The following EIF4ENIF1 variants were observed in gnomAD, a reference collection of about 807,000 sequenced individuals.
EIF4ENIF1 encodes eukaryotic translation initiation factor 4E transporter.
A neutral mutation model predicts 110.5 loss-of-function variants in EIF4ENIF1; 23 were observed. The ratio of observed to expected loss-of-function variants is 0.21; its 90% CI spans 0.15 to 0.29. EIF4ENIF1 has a LOEUF of 0.29. Among genes scored for constraint, EIF4ENIF1 ranks in the 10% least tolerant of loss-of-function variants. The pLI is 1.00. For missense variants in EIF4ENIF1, 1,031 were observed against 1,221.1 expected (o/e 0.84, Z 2.32); for synonymous variants, 440 against 437.0 (o/e 1.01, Z -0.09).
intron 2 of EIF4ENIF1, among the ~76,000 whole-genome samples, chr22:31,478,275 G>A (rs1190682972): frequency 2.6e-5 from 4 of 152,096 alleles, no homozygotes; most frequent in African/African-American, 9.7e-5. Flanking sequence ...AAAACATTGG[G>A]AGGCCGAGAC....
At chr22:31,472,039 T>C in intron 2 of EIF4ENIF1, 122 bp from the exon 3 acceptor site, 1 of 743,002 alleles carries the variant, frequency 1.3e-6, no homozygotes, top group Non-Finnish European at 2.1e-6. Flanking sequence ...TATTTACATC[T>C]TGCCTTATTT....
At chr22:31,478,974 CT>C (rs1444160788) in intron 2 of EIF4ENIF1, among the ~76,000 whole-genome samples, 2 of 147,772 alleles carry the variant, frequency 1.4e-5, no homozygotes, top group African/African-American at 2.5e-5. Flanking sequence ...AAAAAGTTTG[CT>C]CTCTTTACAA....
chr22:31,468,443 G>T, intron 3 of EIF4ENIF1, 141 bp from the exon 4 acceptor site: 1 of 1,183,642 alleles, frequency 8.4e-7, no homozygotes, highest in Non-Finnish European at 1.2e-6. Context: ...CGCCCAGGAT[G>T]GAGCGCAGTG....
chr22:31,493,238 C>T (rs141940895), upstream of EIF4ENIF1, among the ~76,000 whole-genome samples: 1,480 of 151,694 alleles, frequency 9.8e-3, 7 homozygotes, highest in Middle Eastern at 0.031. Context: ...ACCACGTTAG[C>T]CAGGATGGTC....
upstream of EIF4ENIF1, among the ~76,000 whole-genome samples, chr22:31,490,392 A>G (rs941931731): frequency 2.0e-5 from 3 of 152,198 alleles, no homozygotes; most frequent in African/African-American, 7.2e-5. Context: ...GAGTGGCGTG[A>G]TCTTAGGCAA....
chr22:31,438,123 T>C (rs1028386177), downstream of EIF4ENIF1, among the ~76,000 whole-genome samples: 8 of 152,098 alleles, frequency 5.3e-5, no homozygotes, highest in African/African-American at 1.4e-4. Context: ...TAGTCAAAAA[T>C]CCAACCACCT....
At chr22:31,455,395 CTTTTT>C (rs67838369) in intron 8 of EIF4ENIF1, 80 bp from the exon 9 acceptor site, 99 of 809,836 alleles carry the variant, frequency 1.2e-4, no homozygotes, top group African/African-American at 1.7e-4. Flanking sequence ...TTCTTTCTTT[CTTTTT>C]TTTTTTTTTT....
chr22:31,469,473 A>G (rs1028548756), intron 3 of EIF4ENIF1, among the ~76,000 whole-genome samples: 1 of 152,232 alleles, frequency 6.6e-6, no homozygotes, highest in Non-Finnish European at 1.5e-5. Context: ...CATTTCTTGA[A>G]TAAGTGAGTT....
At chr22:31,456,503 A>G (rs11089506) in intron 7 of EIF4ENIF1, among the ~76,000 whole-genome samples, 22,833 of 151,366 alleles carry the variant, frequency 0.15, 2,168 homozygotes, top group East Asian at 0.44. Flanking sequence ...GATTACAAGC[A>G]TGAGCCACCA....
chr22:31,463,601 G>C, intron 5 of EIF4ENIF1, 80 bp downstream of exon 5: 2 of 1,355,312 alleles, frequency 1.5e-6, no homozygotes, highest in Non-Finnish European at 9.8e-7. Context: ...AGTCAAGATC[G>C]TGCCATTGCA....
chr22:31,444,514 C>G (rs2050400193), intron 15 of EIF4ENIF1, 92 bp downstream of exon 15: 3 of 1,245,284 alleles, frequency 2.4e-6, no homozygotes, highest in Admixed American at 3.5e-5. Context: ...GGAAGGAACT[C>G]AAGGACATTT....
At chr22:31,457,291 G>A (rs533924455) in intron 7 of EIF4ENIF1, among the ~76,000 whole-genome samples, 1 of 152,186 alleles carries the variant, frequency 6.6e-6, no homozygotes, top group East Asian at 1.9e-4. Context: ...AATTGCTTTG[G>A]TAGAAATTAT....
Position 31,455,126 on chromosome 22 carries a change from A to G in EIF4ENIF1, c.1279+10T>C. 1 of 1,602,782 alleles carries G rather than the reference A, an allele frequency of 6.2e-7. No individual in the cohort carries two copies. Among genetic ancestry groups the G allele is most frequent in the Non-Finnish European group, 8.5e-7 (1 of 1,175,322 alleles). On this transcript the variant is annotated intron_variant, in intron 9 of 18. Coordinates refer to ENST00000330125, the MANE Select transcript of EIF4ENIF1 (RefSeq NM_019843.4). ...TCAGATATCTAAAACAGATATTCATAAACACTTACAGCTTTCTTTAAGTTT... is the reference window on the plus strand; with the variant it reads ...TCAGATATCTAAAACAGATATTCATGAACACTTACAGCTTTCTTTAAGTTT...
At chr22:31,486,023 G>T (rs2052007568) in intron 2 of EIF4ENIF1, among the ~76,000 whole-genome samples, 1 of 151,860 alleles carries the variant, frequency 6.6e-6, no homozygotes, top group Non-Finnish European at 1.5e-5. Context: ...GAGGCGGGTG[G>T]ATCACCTGAG....
At position 31,439,595 on chromosome 22, in the gene EIF4ENIF1, C is replaced by T. The variant is rs529936465; in HGVS notation, c.*285G>A. 4.6e-6 allele frequency: 2 copies of T among 433,544 alleles called. No individual in the cohort carries two copies. The highest frequency in any genetic ancestry group is 9.4e-5 in the East Asian group (2 of 21,248). The allele number at this position is 433,544 out of a possible 1,614,324, so 26.9% of individuals were successfully genotyped here. A position where few individuals can be genotyped will look rare whatever the true frequency, so the allele number is the denominator to read the frequency against. Reference sequence around the variant, plus strand: ...ATTTCCTCAGAACCCTTAGGTGCCACCTCTTGGTGAGGACACCAACACTTC... The same window carrying T: ...ATTTCCTCAGAACCCTTAGGTGCCATCTCTTGGTGAGGACACCAACACTTC... On this transcript the variant is annotated 3_prime_UTR_variant, in exon 19 of 19. Coordinates refer to ENST00000330125, the MANE Select transcript of EIF4ENIF1 (RefSeq NM_019843.4).
At chr22:31,466,138 C>T (rs1394413232) in intron 4 of EIF4ENIF1, among the ~76,000 whole-genome samples, 2 of 152,082 alleles carry the variant, frequency 1.3e-5, no homozygotes, top group African/African-American at 4.8e-5. Context: ...TGGGGCCAGG[C>T]ACGGTGACTC....
chr22:31,452,467 A>C (rs1236541256), intron 10 of EIF4ENIF1, among the ~76,000 whole-genome samples: 1 of 152,198 alleles, frequency 6.6e-6, no homozygotes, highest in Admixed American at 6.6e-5. Context: ...CTAAAACCCC[A>C]ACATCAAACC....
intron 6 of EIF4ENIF1, among the ~76,000 whole-genome samples, chr22:31,459,134 C>T (rs2050916151): frequency 6.6e-6 from 1 of 152,040 alleles, no homozygotes; most frequent in Admixed American, 6.6e-5. Context: ...CGCTAAATTG[C>T]ACAGCCTGGA....
downstream of EIF4ENIF1, among the ~76,000 whole-genome samples, chr22:31,437,515 T>C (rs1199401232): frequency 7.2e-6 from 1 of 138,032 alleles, no homozygotes; most frequent in African/African-American, 2.7e-5. Context: ...CTAAAACCTG[T>C]ATGTCTAGCT....
Sources: gnomAD v4.1 joint callset for allele counts (sites outside exome capture counted in the v4.1 genomes callset) on GRCh38, gnomAD v4.1.1 for gene constraint, MANE v1.5 for transcripts, NCBI Gene and HGNC (gene_info 2026-07-23, HGNC 2026-07-21) for gene names.